The following SEMA6D variants were observed in gnomAD, a reference collection of about 807,000 sequenced individuals.
SEMA6D encodes semaphorin 6D.
Under a neutral mutation model 106.6 loss-of-function variants are expected in SEMA6D, and 35 were observed. The observed-to-expected ratio is 0.33, with a 90% confidence interval of 0.25 to 0.44. SEMA6D has a LOEUF of 0.44. Ranked by LOEUF, SEMA6D falls within the 20% of genes least tolerant of loss-of-function variation. The probability of loss-of-function intolerance (pLI) is 1.00; values close to 1 mark genes in which losing one functional copy is unlikely to be tolerated. For missense variants in SEMA6D, 1,185 were observed against 1,345.9 expected (o/e 0.88, Z 1.87); for synonymous variants, 499 against 487.7 (o/e 1.02, Z -0.31).
intron 3 of SEMA6D, among the ~76,000 whole-genome samples, chr15:47,564,002 T>C (rs555020831): frequency 1.3e-5 from 2 of 152,314 alleles, no homozygotes; most frequent in African/African-American, 4.8e-5. Context: ...ATCTCCTTTG[T>C]CATACTTCCT....
chr15:47,356,002 G>C (rs1395875747), intron 1 of SEMA6D, among the ~76,000 whole-genome samples: 1 of 152,214 alleles, frequency 6.6e-6, no homozygotes, highest in African/African-American at 2.4e-5. Context: ...GCTCCAAAGA[G>C]GGACAGTCTA....
intron 2 of SEMA6D, among the ~76,000 whole-genome samples, chr15:47,429,713 G>C (rs187075268): frequency 2.6e-5 from 4 of 152,094 alleles, no homozygotes; most frequent in African/African-American, 7.2e-5. Flanking sequence ...TCCTGTCAAA[G>C]TCCACTGATG....
At chr15:47,653,606 C>G (rs2077734621) in intron 4 of SEMA6D, among the ~76,000 whole-genome samples, 1 of 152,204 alleles carries the variant, frequency 6.6e-6, no homozygotes, top group Non-Finnish European at 1.5e-5. Context: ...AAAGCTTTGC[C>G]TAAACAATTG....
At chr15:47,225,608 A>G (rs1375900872) in intron 1 of SEMA6D, among the ~76,000 whole-genome samples, 1 of 141,298 alleles carries the variant, frequency 7.1e-6, no homozygotes, top group Non-Finnish European at 1.5e-5. Flanking sequence ...GCTCACTGCA[A>G]CTTCCACCTC....
intron 1 of SEMA6D, among the ~76,000 whole-genome samples, chr15:47,257,072 T>C (rs1244768108): frequency 6.6e-6 from 1 of 151,058 alleles, no homozygotes; most frequent in African/African-American, 2.4e-5. Context: ...TTTTTTTTTT[T>C]TTTGAGACAG....
intron 4 of SEMA6D, among the ~76,000 whole-genome samples, chr15:47,698,930 C>T (rs1460814793): frequency 6.6e-6 from 1 of 152,016 alleles, no homozygotes; most frequent in Non-Finnish European, 1.5e-5. Context: ...CATTCCAAGG[C>T]GTAGCTATAA....
At chr15:47,452,763 G>C (rs901333532) in intron 2 of SEMA6D, among the ~76,000 whole-genome samples, 2 of 151,818 alleles carry the variant, frequency 1.3e-5, no homozygotes, top group African/African-American at 4.8e-5. Context: ...ACATTTTGGA[G>C]ATCTTTACTT....
chr15:47,761,642 ATTTAC>A lies in SEMA6D; in HGVS notation c.448-15_448-11del, dbSNP rs1240950981. On this transcript the variant is annotated splice_polypyrimidine_tract_variant and intron_variant, in intron 6 of 18. Coordinates refer to ENST00000536845, the MANE Select transcript of SEMA6D (RefSeq NM_001358351.3). ...ACGTTGAATAGATATGACACTGGCT[ATTTAC>A]TTTTCTTTTGTAGTTGAGTACCTTA... is the stretch of plus-strand genomic sequence containing the variant. The A allele has an allele frequency of 2.5e-6, 4 of 1,580,896 alleles. No individual in the cohort carries two copies. The highest frequency in any genetic ancestry group is 2.7e-5 in the African/African-American group (2 of 73,876).
At chr15:47,615,877 A>G (rs1274380768) in intron 4 of SEMA6D, among the ~76,000 whole-genome samples, 1 of 152,254 alleles carries the variant, frequency 6.6e-6, no homozygotes, top group Non-Finnish European at 1.5e-5. Context: ...TGAGCTTTGC[A>G]TTTTAAATCA....
intron 1 of SEMA6D, among the ~76,000 whole-genome samples, chr15:47,245,360 G>A (rs1351736936): frequency 6.6e-6 from 1 of 152,106 alleles, no homozygotes; most frequent in Non-Finnish European, 1.5e-5. Flanking sequence ...CTTTTTAATA[G>A]TAGCCATCCT....
intron 1 of SEMA6D, among the ~76,000 whole-genome samples, chr15:47,756,521 A>G (rs2081750123): frequency 6.6e-6 from 1 of 152,206 alleles, no homozygotes; most frequent in African/African-American, 2.4e-5. Flanking sequence ...TTTACATTTG[A>G]TGAAACTGAG....
intron 4 of SEMA6D, among the ~76,000 whole-genome samples, chr15:47,602,186 C>CAA (rs1407892004): frequency 5.3e-5 from 8 of 152,126 alleles, no homozygotes; most frequent in African/African-American, 1.9e-4. Context: ...TATACAGTAA[C>CAA]AAACAGGATT....
intron 1 of SEMA6D, among the ~76,000 whole-genome samples, chr15:47,311,134 C>T (rs902177132): frequency 2.0e-5 from 3 of 152,152 alleles, no homozygotes; most frequent in Admixed American, 1.3e-4. Flanking sequence ...CAGATCAACC[C>T]AAGGAGACTG....
intron 1 of SEMA6D, among the ~76,000 whole-genome samples, chr15:47,292,308 G>A (rs2035622218): frequency 6.6e-6 from 1 of 152,250 alleles, no homozygotes; most frequent in African/African-American, 2.4e-5. Context: ...AATGTGAATG[G>A]CAGTGTGTTT....
At chr15:47,695,888 C>T (rs747604080) in intron 4 of SEMA6D, among the ~76,000 whole-genome samples, 6 of 152,148 alleles carry the variant, frequency 3.9e-5, no homozygotes, top group African/African-American at 1.4e-4. Context: ...AGTATATCCA[C>T]TAAGCATGGG....
intron 1 of SEMA6D, among the ~76,000 whole-genome samples, chr15:47,383,934 C>T (rs1185386753): frequency 6.6e-6 from 1 of 152,194 alleles, no homozygotes; most frequent in Non-Finnish European, 1.5e-5. Context: ...GCTCCTGCTT[C>T]CACAAAGCAC....
chr15:47,552,095 A>C (rs763312411), intron 3 of SEMA6D, among the ~76,000 whole-genome samples: 20 of 152,146 alleles, frequency 1.3e-4, no homozygotes, highest in Non-Finnish European at 2.6e-4. Context: ...ACAATAGTGA[A>C]ATACTAGAAA....
intron 4 of SEMA6D, among the ~76,000 whole-genome samples, chr15:47,702,774 G>T (rs184712172): frequency 1.2e-4 from 18 of 152,300 alleles, no homozygotes; most frequent in African/African-American, 4.3e-4. Context: ...AACAGGCTAT[G>T]TACTGTATGA....
chr15:47,284,566 A>G (rs1257378240), intron 1 of SEMA6D, among the ~76,000 whole-genome samples: 1 of 152,212 alleles, frequency 6.6e-6, no homozygotes, highest in African/African-American at 2.4e-5. Context: ...GTTGCCCTAG[A>G]ATTGGAAAAG....
Sources: gnomAD v4.1 joint callset for allele counts (sites outside exome capture counted in the v4.1 genomes callset) on GRCh38, gnomAD v4.1.1 for gene constraint, MANE v1.5 for transcripts, NCBI Gene and HGNC (gene_info 2026-07-23, HGNC 2026-07-21) for gene names.